The following AKAP8L variants were observed in gnomAD, a reference collection of about 807,000 sequenced individuals.
AKAP8L encodes the protein A-kinase anchoring protein 8 like, also known as A-kinase anchor protein 8-like.
In AKAP8L, 34 loss-of-function variants were observed where a neutral mutation model predicts 77.5. The observed-to-expected ratio is 0.44, with a 90% CI of 0.33 to 0.58. AKAP8L has a LOEUF of 0.58. Ranked by LOEUF, AKAP8L falls within the 20% of genes least tolerant of loss-of-function variation. The probability of loss-of-function intolerance (pLI) is 0.02; values close to 1 mark genes in which losing one functional copy is unlikely to be tolerated. For synonymous variants in AKAP8L, 342 were observed against 340.7 expected, an observed-to-expected ratio of 1.00 and a Z score of -0.04; for missense variants, 806 against 887.6, an observed-to-expected ratio of 0.91 and a Z score of 1.17.
Position 15,401,077 on chromosome 19 carries a change from G to A in AKAP8L, c.817-34C>T. On this transcript the variant is annotated intron_variant, in intron 5 of 13. Coordinates refer to ENST00000397410, the MANE Select transcript of AKAP8L (RefSeq NM_014371.4). The surrounding 1 kb of genome is among the most constrained non-coding windows in gnomAD (Gnocchi z 6.2). ...TAAGGGGGGGAAGCCGTGTCAGGGTGCATGGCACCCGGCCCTTAGCTCCGC... is the reference window on the plus strand; with the variant it reads ...TAAGGGGGGGAAGCCGTGTCAGGGTACATGGCACCCGGCCCTTAGCTCCGC... 1.2e-6 allele frequency: 2 copies of A among 1,609,136 alleles called. No individual in the cohort carries two copies. Among genetic ancestry groups the A allele is most frequent in the Non-Finnish European group, 1.7e-6 (2 of 1,179,742 alleles).
intron 2 of AKAP8L, among the ~76,000 whole-genome samples, chr19:15,405,005 CA>C (rs1305503590): frequency 2.0e-5 from 3 of 152,230 alleles, no homozygotes; most frequent in African/African-American, 7.2e-5. Context: ...GCTCACAAAA[CA>C]AAAACTCTTG....
At chr19:15,400,683 C>T (rs1967874140) in intron 7 of AKAP8L, 111 bp downstream of exon 7, 1 of 1,298,632 alleles carries the variant, frequency 7.7e-7, no homozygotes, top group South Asian at 1.2e-5. Flanking sequence ...ATGCTGGTCA[C>T]CATGCACGCA....
At chr19:15,386,397 AAAAC>A (rs1967539348) in intron 12 of AKAP8L, among the ~76,000 whole-genome samples, 1 of 152,176 alleles carries the variant, frequency 6.6e-6, no homozygotes, top group South Asian at 2.1e-4. Context: ...AAAGTATTAA[AAAAC>A]AACCATTTAA....
At chr19:15,417,088 G>A (rs1002525632) in intron 1 of AKAP8L, among the ~76,000 whole-genome samples, 7 of 151,962 alleles carry the variant, frequency 4.6e-5, no homozygotes, top group African/African-American at 1.5e-4. Context: ...CCCAAACCCA[G>A]AACTACAGCC....
At chr19:15,411,501 G>A (rs1433090310) in intron 1 of AKAP8L, among the ~76,000 whole-genome samples, 2 of 151,118 alleles carry the variant, frequency 1.3e-5, no homozygotes, top group East Asian at 3.9e-4. Context: ...GCATGTGCCT[G>A]TAGTCCTAGC....
intron 2 of AKAP8L, among the ~76,000 whole-genome samples, chr19:15,409,174 T>C (rs1326005644): frequency 6.6e-6 from 1 of 152,194 alleles, no homozygotes; most frequent in African/African-American, 2.4e-5. Context: ...GTGTTCTTTC[T>C]GACACAAGAC....
chr19:15,380,729 CCCA>C, intron 12 of AKAP8L, 117 bp from the exon 13 acceptor site: 3 of 850,346 alleles, frequency 3.5e-6, no homozygotes, highest in Non-Finnish European at 5.6e-6. Context: ...CACTTCCAGC[CCCA>C]CCAACGGAGG....
chr19:15,415,349 C>T (rs768271215), intron 1 of AKAP8L, among the ~76,000 whole-genome samples: 1 of 151,818 alleles, frequency 6.6e-6, no homozygotes, highest in African/African-American at 2.4e-5. Context: ...GGGAGGATTA[C>T]TTGAGCACAG....
intron 12 of AKAP8L, among the ~76,000 whole-genome samples, chr19:15,393,254 G>A (rs544702585): frequency 3.3e-5 from 5 of 152,078 alleles, no homozygotes; most frequent in East Asian, 1.9e-4. Context: ...GAAAACACAG[G>A]GGTAAATCTT....
At chr19:15,415,653 A>G (rs1182766614) in intron 1 of AKAP8L, among the ~76,000 whole-genome samples, 5 of 152,056 alleles carry the variant, frequency 3.3e-5, no homozygotes, top group South Asian at 2.1e-4. Context: ...TTGGGAGGCC[A>G]GGGAGGGCGG....
At chr19:15,406,362 G>GGAGAGGGAGA (rs1555700855) in intron 2 of AKAP8L, among the ~76,000 whole-genome samples, 1 of 89,380 alleles carries the variant, frequency 1.1e-5, no homozygotes, top group Admixed American at 1.1e-4. Context: ...GAAATTTTAA[G>GGAGAGGGAGA]GAGAGAGAGA....
At chr19:15,391,988 G>A (rs559160204) in intron 12 of AKAP8L, among the ~76,000 whole-genome samples, 4 of 151,930 alleles carry the variant, frequency 2.6e-5, no homozygotes, top group East Asian at 1.9e-4. Context: ...GGCACTTGCC[G>A]CCACACCTGG....
intron 12 of AKAP8L, among the ~76,000 whole-genome samples, chr19:15,393,139 G>C (rs1967699059): frequency 6.6e-6 from 1 of 151,750 alleles, no homozygotes; most frequent in Non-Finnish European, 1.5e-5. Context: ...TTAATATCTA[G>C]ATGCAAAAAA....
intron 12 of AKAP8L, 156 bp from the exon 13 acceptor site, chr19:15,380,768 A>G: frequency 4.8e-6 from 3 of 627,490 alleles, no homozygotes; most frequent in Non-Finnish European, 8.5e-6. Flanking sequence ...TGGAACCACA[A>G]CCTATCTGAT....
rs1489566960 is a variant in AKAP8L, at chr19:15,403,816, AG to A, written c.122-102del. 1 of 1,126,206 alleles carries A rather than the reference AG, an allele frequency of 8.9e-7. No individual in the cohort carries two copies. The highest frequency in any genetic ancestry group is 1.3e-6 in the Non-Finnish European group (1 of 768,698). 69.8% of individuals were successfully genotyped at this position (1,126,206 alleles called of 1,614,324 possible). On this transcript the variant is annotated intron_variant, in intron 3 of 13. Coordinates refer to ENST00000397410, the MANE Select transcript of AKAP8L (RefSeq NM_014371.4). This position sits in a 1 kb window ranked among gnomAD's most constrained non-coding sequence, Gnocchi z 4.3. ...CAGATACAAGGGTATCTTCTGTCAC[AG>A]AGAGAGAAGACCCTAGCCACTGAAG...
intron 12 of AKAP8L, chr19:15,383,927 C>CTTTTTTTTTTTTTTTT (rs3040939): frequency 1.2e-5 from 1 of 83,680 alleles, no homozygotes. Flanking sequence ...AGGTCTATTT[C>CTTTTTTTTTTTTTTTT]TTTTTTTTTT....
rs747946362 is a variant in AKAP8L, at chr19:15,403,842, G to A, written c.122-127C>T. Reference sequence around the variant, plus strand: ...GAGAGAGAAGACCCTAGCCACTGAAGCTAGATGGGCCCTGGTCATTCTGAT... The same window carrying A: ...GAGAGAGAAGACCCTAGCCACTGAAACTAGATGGGCCCTGGTCATTCTGAT... On this transcript the variant is annotated intron_variant, in intron 3 of 13. Coordinates refer to ENST00000397410, the MANE Select transcript of AKAP8L (RefSeq NM_014371.4). The surrounding 1 kb of genome is among the most constrained non-coding windows in gnomAD (Gnocchi z 4.3). The A allele has an allele frequency of 2.8e-6, 3 of 1,071,814 alleles. No individual in the cohort carries two copies. In the South Asian group the frequency reaches 4.4e-5, roughly 16 times the overall value. 66.4% of individuals were successfully genotyped at this position (1,071,814 alleles called of 1,614,324 possible). A position where few individuals can be genotyped will look rare whatever the true frequency, so the allele number is the denominator to read the frequency against.
chr19:15,385,915 T>G (rs1033431019), intron 12 of AKAP8L, among the ~76,000 whole-genome samples: 1 of 107,532 alleles, frequency 9.3e-6, no homozygotes, highest in Non-Finnish European at 1.8e-5. Context: ...CTTTCTTTTT[T>G]TTCTTTTTTT....
At chr19:15,389,806 A>C (rs1259269017) in intron 12 of AKAP8L, among the ~76,000 whole-genome samples, 1 of 152,168 alleles carries the variant, frequency 6.6e-6, no homozygotes, top group Non-Finnish European at 1.5e-5. Context: ...CTCCACGTAG[A>C]ATAAACACAG....
Sources: gnomAD v4.1 joint callset for allele counts (sites outside exome capture counted in the v4.1 genomes callset) on GRCh38, gnomAD v4.1.1 for gene constraint, Gnocchi (gnomAD v3.1) non-coding constraint, MANE v1.5 for transcripts, NCBI Gene and HGNC (gene_info 2026-07-23, HGNC 2026-07-21) for gene names.